ZNF365: variants seen among roughly 807,000 people sequenced by gnomAD.
ZNF365 encodes zinc finger protein 365.
Under a neutral mutation model 35.0 loss-of-function variants are expected in ZNF365, and 22 were observed. That is an observed-to-expected ratio of 0.63 (90% CI 0.45 to 0.90). The LOEUF (loss-of-function observed/expected upper bound fraction) is 0.90, where lower values mean the gene tolerates loss of function less well. ZNF365 is among the 40% of genes least tolerant of loss of function. The pLI, the probability that ZNF365 is intolerant of heterozygous loss-of-function variation, is 0.00. For synonymous variants in ZNF365, 188 were observed against 196.2 expected, an observed-to-expected ratio of 0.96 and a Z score of 0.35; for missense variants, 448 against 500.3, an observed-to-expected ratio of 0.90 and a Z score of 1.00.
chr10:62,376,683 A>T lies in ZNF365; in HGVS notation c.490A>T (p.Lys164Ter). The change falls in exon 2 of 5, where the codon AAA becomes TAA. Residue 164 changes from lysine to a stop codon, truncating the protein, a stop_gained. Coordinates refer to ENST00000395254, the MANE Select transcript of ZNF365 (RefSeq NM_014951.3). LOFTEE classifies it high-confidence loss of function. ...KASFEAHVREKFNRMVEAVDR... is the reference protein window; with the variant it reads ...KASFEAHVRE ...TTCTTTCGAGGCACATGTCAGAGAA[A>T]AATTCAATCGAATGGTTGAGGCTGT... is the stretch of plus-strand genomic sequence containing the variant. The T allele has an allele frequency of 6.2e-7, 1 of 1,614,198 alleles. No homozygotes were observed. Among genetic ancestry groups the T allele is most frequent in the Non-Finnish European group, 8.5e-7 (1 of 1,180,036 alleles).
At chr10:62,417,330 G>A (rs1212136416) in intron 3 of ZNF365, among the ~76,000 whole-genome samples, 3 of 151,990 alleles carry the variant, frequency 2.0e-5, no homozygotes, top group African/African-American at 7.2e-5. Context: ...TTAAAATACT[G>A]GTAATGATCC....
intron 3 of ZNF365, among the ~76,000 whole-genome samples, chr10:62,456,768 A>T (rs1481590488): frequency 2.0e-5 from 3 of 152,216 alleles, no homozygotes; most frequent in Non-Finnish European, 4.4e-5. Context: ...GAAAGTAAGC[A>T]TCTGTCTTTC....
intron 3 of ZNF365, among the ~76,000 whole-genome samples, chr10:62,456,144 C>G (rs1840757715): frequency 1.3e-5 from 2 of 152,058 alleles, no homozygotes; most frequent in Admixed American, 1.3e-4. Context: ...CTACTGTGAA[C>G]AAGAGGCTGC....
At chr10:62,378,787 T>C (rs1018919294) in intron 2 of ZNF365, among the ~76,000 whole-genome samples, 2 of 152,218 alleles carry the variant, frequency 1.3e-5, no homozygotes, top group African/African-American at 4.8e-5. Flanking sequence ...TTTTTGTTTT[T>C]AATATAATAG....
chr10:62,468,368 C>T (rs142285249), intron 4 of ZNF365, among the ~76,000 whole-genome samples: 9 of 152,032 alleles, frequency 5.9e-5, no homozygotes, highest in African/African-American at 2.2e-4. Context: ...TATTATGAAA[C>T]AACTATGCAT....
intron 4 of ZNF365, among the ~76,000 whole-genome samples, chr10:62,472,254 C>T (rs1388731357): frequency 6.6e-5 from 10 of 152,156 alleles, no homozygotes; most frequent in Admixed American, 5.2e-4. Flanking sequence ...GAAAAGAAGC[C>T]TCACAATGGC....
intron 2 of ZNF365, 125 bp from the exon 3 acceptor site, chr10:62,388,271 C>T: frequency 1.0e-6 from 1 of 959,714 alleles, no homozygotes; most frequent in South Asian, 1.6e-5. Context: ...CCTCTCTCGT[C>T]ATTGCCATGG....
At chr10:62,427,489 A>C (rs796919409) in intron 3 of ZNF365, among the ~76,000 whole-genome samples, 7 of 152,272 alleles carry the variant, frequency 4.6e-5, no homozygotes, top group African/African-American at 1.7e-4. Context: ...AAATCACCTA[A>C]AGATGCATTT....
intron 3 of ZNF365, among the ~76,000 whole-genome samples, chr10:62,418,656 C>A (rs181414272): frequency 1.3e-5 from 2 of 151,856 alleles, no homozygotes; most frequent in African/African-American, 4.8e-5. Flanking sequence ...AATACGTGGG[C>A]GAAGTAATGG....
Position 62,399,510 on chromosome 10 carries a change from C to T in ZNF365, c.963-18C>T, listed in dbSNP as rs776885318. ...TTCTGCTCATCTCTTCTCCACTCCC[C>T]CCTCCAACCCTCTGTAGAAGCCGAG... On this transcript the variant is annotated intron_variant, in intron 4 of 4. Transcript: ENST00000395254. The T allele has an allele frequency of 1.2e-6, 2 of 1,609,978 alleles. No homozygotes were observed. The highest frequency in any genetic ancestry group is 1.7e-5 in the Admixed American group (1 of 59,490).
rs3852424 is a variant in ZNF365 at position 62,388,366 on chromosome 10, C to A, written c.744-30C>A. 0.99 allele frequency: 1,597,097 copies of A among 1,613,586 alleles called. 791,771 individuals are homozygous for A. The highest frequency in any genetic ancestry group is 1 in the East Asian group (44,874 of 44,874). ...AGTGAATTCCTTGCCTTATATTTCC[C>A]TTTTGTGTTCTGACATTTTTGCCTT... On this transcript the variant is annotated intron_variant, in intron 2 of 4. Coordinates refer to ENST00000395254, the MANE Select transcript of ZNF365 (RefSeq NM_014951.3).
At chr10:62,375,599 T>C (rs936450624) in intron 1 of ZNF365, 6 of 154,226 alleles carry the variant, frequency 3.9e-5, no homozygotes, top group African/African-American at 1.4e-4. Flanking sequence ...TACTTGAGGA[T>C]AGGTCCTGAG....
At chr10:62,469,048 C>A (rs976166166) in intron 4 of ZNF365, among the ~76,000 whole-genome samples, 1 of 152,190 alleles carries the variant, frequency 6.6e-6, no homozygotes, top group Non-Finnish European at 1.5e-5. Context: ...GAGGTGGAAG[C>A]GACCCATTCA....
At chr10:62,411,964 A>G (rs1839991211) in intron 3 of ZNF365, among the ~76,000 whole-genome samples, 1 of 152,068 alleles carries the variant, frequency 6.6e-6, no homozygotes. Context: ...CAAACCCCAA[A>G]ACTAGCAGAA....
chr10:62,427,155 C>G (rs1840262868), intron 3 of ZNF365, among the ~76,000 whole-genome samples: 1 of 152,132 alleles, frequency 6.6e-6, no homozygotes, highest in African/African-American at 2.4e-5. Flanking sequence ...CTGGCTTATG[C>G]TTTTTCTATA....
intron 3 of ZNF365, among the ~76,000 whole-genome samples, chr10:62,434,036 C>T (rs1342150131): frequency 6.6e-6 from 1 of 152,080 alleles, no homozygotes; most frequent in Non-Finnish European, 1.5e-5. Context: ...GTTAGTGTTT[C>T]CTAAACCTGC....
At chr10:62,425,457 T>C (rs569180341) in intron 3 of ZNF365, among the ~76,000 whole-genome samples, 1 of 152,296 alleles carries the variant, frequency 6.6e-6, no homozygotes, top group East Asian at 1.9e-4. Context: ...CAGTAAGAAA[T>C]GACAGGCAAG....
chr10:62,376,367 C>T lies in ZNF365; in HGVS notation c.174C>T (p.Leu58=), dbSNP rs1268247385. ...EFSHSYEERT[L]LTKCSLFPSL... is the part of the protein sequence containing the mutation. ...GTCACAGCTACGAAGAAAGAACCCT[C>T]TTGACAAAATGCAGTCTCTTTCCAT... The change falls in exon 2 of 5, where the codon CTC becomes CTT. Residue 58 remains leucine, a synonymous_variant. Transcript: ENST00000395254. 1.2e-6 allele frequency: 2 copies of T among 1,614,070 alleles called. No individual in the cohort carries two copies. Among genetic ancestry groups the T allele is most frequent in the Admixed American group, 3.3e-5 (2 of 59,990 alleles).
chr10:62,412,669 C>G (rs147736621), intron 3 of ZNF365, among the ~76,000 whole-genome samples: 81 of 152,142 alleles, frequency 5.3e-4, no homozygotes, highest in African/African-American at 1.9e-3. Context: ...ATGAATAACT[C>G]CCATTCACAA....
Sources: allele counts gnomAD v4.1 joint callset (sites outside exome capture counted in the v4.1 genomes callset), GRCh38; gene constraint gnomAD v4.1.1; transcripts MANE v1.5; gene names NCBI Gene and HGNC (gene_info 2026-07-23, HGNC 2026-07-21).